Variants in HACD2 observed in about 807,000 individuals in gnomAD.
HACD2 encodes very-long-chain (3R)-3-hydroxyacyl-CoA dehydratase 2.
HACD2 carries 15 observed loss-of-function variants against 31.0 expected under a neutral mutation model. The observed-to-expected ratio is 0.48, with a 90% CI of 0.32 to 0.75. HACD2 has a LOEUF of 0.75. Ranked by LOEUF, HACD2 falls within the 30% of genes least tolerant of loss-of-function variation. The pLI, the probability that HACD2 is intolerant of heterozygous loss-of-function variation, is 0.03. For missense variants in HACD2, 283 were observed against 313.0 expected (o/e 0.90, Z 0.72); for synonymous variants, 115 against 122.2 (o/e 0.94, Z 0.39).
chr3:123,554,214 A>C (rs1052121940), intron 3 of HACD2, among the ~76,000 whole-genome samples: 7 of 12,778 alleles, frequency 5.5e-4, no homozygotes, highest in Non-Finnish European at 1.4e-3. Flanking sequence ...GAAAGAGGAA[A>C]GTAGAATAAG....
intron 4 of HACD2, among the ~76,000 whole-genome samples, chr3:123,511,368 TAC>T (rs1478474980): frequency 6.6e-6 from 1 of 152,004 alleles, no homozygotes; most frequent in Non-Finnish European, 1.5e-5. Context: ...CACACACACA[TAC>T]ACACACACAT....
intron 3 of HACD2, among the ~76,000 whole-genome samples, chr3:123,563,324 G>T (rs1380393591): frequency 6.6e-6 from 1 of 152,180 alleles, no homozygotes; most frequent in African/African-American, 2.4e-5. Context: ...TGAAGGGGCT[G>T]GGCTGCTCAT....
chr3:123,563,278 G>C (rs910910851), intron 3 of HACD2, among the ~76,000 whole-genome samples: 2 of 152,160 alleles, frequency 1.3e-5, no homozygotes, highest in African/African-American at 4.8e-5. Flanking sequence ...GGGTGGTAGG[G>C]AAGTTTACTG....
chr3:123,532,391 T>C lies in HACD2; in HGVS notation c.293-3917A>G, dbSNP rs73857660. On this transcript the variant is annotated intron_variant, in intron 3 of 6. Transcript: ENST00000383657. Reference sequence around the variant, plus strand: ...CCTGACAGCACAATCTCGAAATGCCTGCTCTACTGGACCAGTCAAAAGGCC... The same window carrying C: ...CCTGACAGCACAATCTCGAAATGCCCGCTCTACTGGACCAGTCAAAAGGCC... Among the ~76,000 whole-genome samples, 909 of 152,310 alleles carry C rather than the reference T, an allele frequency of 6.0e-3. 9 individuals carry two copies. Among genetic ancestry groups the C allele is most frequent in the African/African-American group, 0.021 (883 of 41,568 alleles).
intron 3 of HACD2, among the ~76,000 whole-genome samples, chr3:123,537,850 T>C (rs1260981911): frequency 6.6e-6 from 1 of 151,948 alleles, no homozygotes; most frequent in African/African-American, 2.4e-5. Flanking sequence ...TGCCTACTTT[T>C]AAAGAACACA....
In HACD2 at chr3:123,567,797, G is replaced by GA. The variant is rs759277236; in HGVS notation, c.274-18dup. 6 of 1,464,568 alleles carry GA rather than the reference G, an allele frequency of 4.1e-6. No individual in the cohort carries two copies. The East Asian group carries it at 1.5e-4, about 36-fold the overall frequency. The allele number at this position is 1,464,568 out of a possible 1,614,324, so 90.7% of individuals were successfully genotyped here. A position where few individuals can be genotyped will look rare whatever the true frequency, so the allele number is the denominator to read the frequency against. On this transcript the variant is annotated splice_polypyrimidine_tract_variant and intron_variant, in intron 2 of 6. Transcript: ENST00000383657. ...ATGTAAAATCTAGAGGAAAAAAGGG[G>GA]AAAAAAGAGGAGAATTAGTAAGAAT...
At chr3:123,528,303 T>G in intron 4 of HACD2, 83 bp downstream of exon 4, 1 of 847,588 alleles carries the variant, frequency 1.2e-6, no homozygotes. Flanking sequence ...CTGGAACTCT[T>G]TAGCCATAAC....
At chr3:123,522,875 T>C (rs56260006) in intron 4 of HACD2, among the ~76,000 whole-genome samples, 15,064 of 152,158 alleles carry the variant, frequency 0.099, 1,072 homozygotes, top group African/African-American at 0.21. Flanking sequence ...GCACTGGGGC[T>C]AGATGACAGG....
intron 3 of HACD2, among the ~76,000 whole-genome samples, chr3:123,556,473 T>C (rs1018542279): frequency 2.0e-5 from 3 of 151,624 alleles, no homozygotes; most frequent in Admixed American, 6.6e-5. Flanking sequence ...TAGATGTGCA[T>C]ATTTTCAGGG....
intron 2 of HACD2, among the ~76,000 whole-genome samples, chr3:123,581,878 C>A (rs116140360): frequency 0.021 from 3,188 of 152,306 alleles, 109 homozygotes; most frequent in African/African-American, 0.069. Context: ...ACCAACTTCA[C>A]TATTTCTATT....
chr3:123,506,750 AAAC>A (rs1333859939), intron 4 of HACD2, among the ~76,000 whole-genome samples: 2 of 152,162 alleles, frequency 1.3e-5, no homozygotes, highest in East Asian at 3.9e-4. Context: ...TCTATTTTGA[AAAC>A]AACAATTGGG....
chr3:123,563,959 A>G (rs1280989555), intron 3 of HACD2, among the ~76,000 whole-genome samples: 1 of 152,224 alleles, frequency 6.6e-6, no homozygotes, highest in East Asian at 1.9e-4. Context: ...GATGAGACGT[A>G]CTGAGGTCCC....
intron 2 of HACD2, among the ~76,000 whole-genome samples, chr3:123,569,736 C>T (rs575652717): frequency 1.3e-5 from 2 of 151,906 alleles, no homozygotes; most frequent in Non-Finnish European, 2.9e-5. Flanking sequence ...GCGTATAATC[C>T]CAGCACTTTG....
intron 4 of HACD2, among the ~76,000 whole-genome samples, chr3:123,527,762 A>C (rs1182557254): frequency 1.3e-5 from 2 of 152,254 alleles, no homozygotes. Flanking sequence ...GGTGAACCTC[A>C]AACTGCAAAA....
intron 3 of HACD2, among the ~76,000 whole-genome samples, chr3:123,537,407 T>C (rs1034134310): frequency 1.3e-5 from 2 of 151,980 alleles, no homozygotes; most frequent in African/African-American, 4.8e-5. Context: ...TCTACAAAAA[T>C]TTTTTTAAAA....
chr3:123,553,181 T>A (rs1462553698), intron 3 of HACD2, among the ~76,000 whole-genome samples: 7 of 152,166 alleles, frequency 4.6e-5, no homozygotes, highest in East Asian at 3.8e-4. Flanking sequence ...TATTAGACTT[T>A]AAAAAGTATG....
chr3:123,493,821 A>T lies in HACD2; in HGVS notation c.*1067T>A, dbSNP rs1203951940. On this transcript the variant is annotated 3_prime_UTR_variant, in exon 7 of 7. Transcript: ENST00000383657. ...GGAATGTTTTACTGACTATGGACTTATAGCTTGGTGGAAATTAACATAGGA... is the reference window on the plus strand; with the variant it reads ...GGAATGTTTTACTGACTATGGACTTTTAGCTTGGTGGAAATTAACATAGGA... The T allele has an allele frequency of 6.6e-6, 1 of 152,250 alleles. No homozygotes were observed. The highest frequency in any genetic ancestry group is 1.9e-4 in the East Asian group (1 of 5,198). The allele number at this position is 152,250 out of a possible 1,614,324, so 9.4% of individuals were successfully genotyped here.
chr3:123,550,194 A>G (rs1180410494), intron 3 of HACD2, among the ~76,000 whole-genome samples: 2 of 152,202 alleles, frequency 1.3e-5, no homozygotes, highest in Non-Finnish European at 2.9e-5. Flanking sequence ...CCATTCTCCC[A>G]TGCCCCAGGC....
chr3:123,526,304 C>T (rs545462519), intron 4 of HACD2, among the ~76,000 whole-genome samples: 4 of 152,262 alleles, frequency 2.6e-5, no homozygotes, highest in South Asian at 2.1e-4. Context: ...CTAAACAAAA[C>T]GATGAATGAG....
Sources: gnomAD v4.1 joint callset for allele counts (sites outside exome capture counted in the v4.1 genomes callset) on GRCh38, gnomAD v4.1.1 for gene constraint, MANE v1.5 for transcripts, NCBI Gene and HGNC (gene_info 2026-07-23, HGNC 2026-07-21) for gene names.